DNAH9: variants seen among roughly 807,000 people sequenced by gnomAD.
DNAH9 encodes DNAH9 variant protein.
Under a neutral mutation model 471.6 loss-of-function variants are expected in DNAH9, and 345 were observed. The ratio of observed to expected loss-of-function variants is 0.73; its 90% CI spans 0.67 to 0.80. The LOEUF is 0.80. Among genes scored for constraint, DNAH9 ranks in the 30% least tolerant of loss-of-function variants. The pLI, the probability that DNAH9 is intolerant of heterozygous loss-of-function variation, is 0.00. For missense variants in DNAH9, 5,407 were observed against 5,609.2 expected (o/e 0.96, Z 1.15); for synonymous variants, 2,093 against 2,123.6 (o/e 0.99, Z 0.40).
intron 39 of DNAH9, among the ~76,000 whole-genome samples, chr17:11,783,334 G>A (rs78388192): frequency 0.016 from 2,410 of 152,286 alleles, 19 homozygotes; most frequent in Non-Finnish European, 0.023. Flanking sequence ...TGCAGCCCTT[G>A]ATGTGGTTGA....
chr17:11,741,769 AC>A (rs1002433975), intron 29 of DNAH9, among the ~76,000 whole-genome samples: 2 of 152,210 alleles, frequency 1.3e-5, no homozygotes, highest in Non-Finnish European at 2.9e-5. Context: ...TGTTGTAGAT[AC>A]CCAGAGAAAC....
At chr17:11,833,589 G>A (rs1970742751) in intron 48 of DNAH9, among the ~76,000 whole-genome samples, 1 of 152,142 alleles carries the variant, frequency 6.6e-6, no homozygotes, top group South Asian at 2.1e-4. Context: ...TAAAAATTAA[G>A]GAAATTGTTT....
chr17:11,709,741 G>A (rs1453535619), intron 26 of DNAH9, among the ~76,000 whole-genome samples: 2 of 152,126 alleles, frequency 1.3e-5, no homozygotes, highest in Non-Finnish European at 2.9e-5. Context: ...CTCATAAGTC[G>A]TTTCTCGACC....
chr17:11,963,402 C>T (rs1399377114), intron 68 of DNAH9, among the ~76,000 whole-genome samples: 2 of 151,620 alleles, frequency 1.3e-5, no homozygotes, highest in African/African-American at 2.4e-5. Flanking sequence ...CCATTGCATT[C>T]CAGCCTGGGC....
intron 61 of DNAH9, among the ~76,000 whole-genome samples, chr17:11,920,624 AAAAAAAAAAAAG>A (rs1974108950): frequency 6.8e-6 from 1 of 148,134 alleles, no homozygotes; most frequent in Non-Finnish European, 1.5e-5. Flanking sequence ...CCATCTCAAA[AAAAAAAAAAAAG>A]AAAAGAAAAA....
intron 45 of DNAH9, among the ~76,000 whole-genome samples, chr17:11,812,093 A>G (rs1400895801): frequency 2.8e-5 from 4 of 143,628 alleles, no homozygotes; most frequent in Non-Finnish European, 4.6e-5. Context: ...ATATAAGACA[A>G]TATAATGCAT....
At chr17:11,799,398 A>T (rs1969372644) in intron 43 of DNAH9, among the ~76,000 whole-genome samples, 2 of 151,934 alleles carry the variant, frequency 1.3e-5, no homozygotes, top group South Asian at 4.2e-4. Context: ...ACGGAGTCTC[A>T]CTCTGTCGCC....
intron 19 of DNAH9, among the ~76,000 whole-genome samples, chr17:11,688,467 G>A (rs1308128406): frequency 6.6e-6 from 1 of 152,168 alleles, no homozygotes; most frequent in African/African-American, 2.4e-5. Context: ...AAGTGACCAC[G>A]ATTATCTATC....
In DNAH9 at chr17:11,682,259, C is replaced by T. The variant is rs189145917; in HGVS notation, c.3743+1370C>T. 2.1e-3 allele frequency among the ~76,000 whole-genome samples: 318 copies of T among 150,542 alleles called. 1 individual carries two copies. Among genetic ancestry groups the T allele is most frequent in the African/African-American group, 7.1e-3 (291 of 40,970 alleles). On this transcript the variant is annotated intron_variant, in intron 19 of 68. Transcript: ENST00000262442. ...TCCAAGCATAATGCTTGGGAGATAG[C>T]AGCATTTTCGAGGTAGCGTCTTGCT...
intron 2 of DNAH9, 78 bp from the exon 3 acceptor site, chr17:11,610,318 G>A: frequency 1.7e-6 from 2 of 1,199,074 alleles, no homozygotes; most frequent in South Asian, 1.5e-5. Flanking sequence ...TTCTGTCTTG[G>A]GGTACACCCA....
rs763573332 is a variant in DNAH9, at chr17:11,822,826, A to C, written c.9038A>C (p.Lys3013Thr). 1.2e-6 allele frequency: 2 copies of C among 1,614,104 alleles called. No homozygotes were observed. The highest frequency in any genetic ancestry group is 1.7e-5 in the Admixed American group (1 of 60,006). ...CCCACAGTAAAGCAGTCGATTAGCA[A>C]ATTCATGGCCTTTGTCCACACAAGT... Reference protein sequence around the residue: ...IEPTVKQSISKFMAFVHTSVN... With the variant: ...IEPTVKQSISTFMAFVHTSVN... The change falls in exon 48 of 69, where the codon AAA becomes ACA. Residue 3013 changes from lysine to threonine, a missense_variant. Lys to Thr is a moderately conservative substitution (Grantham distance 78). This residue lies in a region of DNAH9 where 4,636 missense variants were observed against 4,900.3 expected (regional missense o/e 0.95). Transcript: ENST00000262442.
rs773842478 is a variant in DNAH9, at chr17:11,805,523, C to CTTTTTTTTTTTTTT, written c.8421-2180_8421-2167dup. ...TATTTGGCCAAACTTTACCCGAGTTCTTTTTTTTTTTTTTTTTTTTTTTTT... is the reference window on the plus strand; with the variant it reads ...TATTTGGCCAAACTTTACCCGAGTTCTTTTTTTTTTTTTTTTTTTTTTTTTTTTTTTTTTTTTTT... On this transcript the variant is annotated intron_variant, in intron 43 of 68. Transcript: ENST00000262442. Among the ~76,000 whole-genome samples, 9 of 52,092 alleles carry CTTTTTTTTTTTTTT rather than the reference C, an allele frequency of 1.7e-4. 1 individual carries two copies. Among genetic ancestry groups the CTTTTTTTTTTTTTT allele is most frequent in the East Asian group, 1.0e-3 (1 of 972 alleles). 34.2% of individuals were successfully genotyped at this position (52,092 alleles called of 152,430 possible).
intron 17 of DNAH9, among the ~76,000 whole-genome samples, chr17:11,674,747 TAAATC>T (rs975855153): frequency 1.8e-5 from 2 of 111,268 alleles, no homozygotes; most frequent in South Asian, 2.3e-4. Context: ...TCTTGTTAAA[TAAATC>T]CATTTTTTGC....
chr17:11,632,530 GTGGGGT>G (rs2073089556), intron 7 of DNAH9, 51 bp from the exon 8 acceptor site: 1 of 821,780 alleles, frequency 1.2e-6, no homozygotes, highest in Admixed American at 1.8e-5. Flanking sequence ...GAGGAGCATA[GTGGGGT>G]TGGCTTACAG....
intron 63 of DNAH9, among the ~76,000 whole-genome samples, chr17:11,930,663 G>C (rs1974476369): frequency 6.6e-6 from 1 of 151,728 alleles, no homozygotes. Context: ...TACCTGGGAG[G>C]CTGAGGCAAG....
At position 11,779,128 on chromosome 17, in the gene DNAH9, C is replaced by G. The variant is rs76598564; in HGVS notation, c.7553-1881C>G. On this transcript the variant is annotated intron_variant, in intron 38 of 68. Transcript: ENST00000262442. ...CGGGTCTGTGTGGCCAAAGACTGAA[C>G]CCCAACCTGTTCCATACGGGTCTTG... Among the ~76,000 whole-genome samples the G allele has an allele frequency of 9.3e-3, 1,412 of 152,230 alleles. 24 individuals are homozygous for G. Among genetic ancestry groups the G allele is most frequent in the African/African-American group, 0.033 (1,365 of 41,542 alleles).
intron 26 of DNAH9, among the ~76,000 whole-genome samples, chr17:11,707,062 A>G (rs1186739054): frequency 4.6e-5 from 7 of 152,252 alleles, no homozygotes; most frequent in Admixed American, 4.6e-4. Flanking sequence ...AAGGACAGTG[A>G]GGGCAGAACA....
intron 21 of DNAH9, 87 bp from the exon 22 acceptor site, chr17:11,694,234 A>G (rs2074388322): frequency 7.0e-7 from 1 of 1,424,992 alleles, no homozygotes; most frequent in Non-Finnish European, 9.8e-7. Flanking sequence ...TGTTCCGTCT[A>G]TTGCATATAC....
intron 2 of DNAH9, among the ~76,000 whole-genome samples, chr17:11,609,791 G>A (rs2072591890): frequency 6.6e-6 from 1 of 152,158 alleles, no homozygotes; most frequent in Admixed American, 6.5e-5. Flanking sequence ...TTCTTCACTG[G>A]AACAATGAGG....
Sources: gnomAD v4.1 joint callset for allele counts (sites outside exome capture counted in the v4.1 genomes callset) on GRCh38, gnomAD v4.1.1 for gene constraint, gnomAD v4.1.1 regional missense constraint, MANE v1.5 for transcripts, NCBI Gene and HGNC (gene_info 2026-07-23, HGNC 2026-07-21) for gene names.